ADGRL2: variants seen among roughly 807,000 people sequenced by gnomAD.
ADGRL2 encodes the protein calcium-independent alpha-latrotoxin receptor 2.
ADGRL2 carries 44 observed loss-of-function variants against 157.4 expected under a neutral mutation model. The ratio of observed to expected loss-of-function variants is 0.28; its 90% CI spans 0.22 to 0.36. ADGRL2 has a LOEUF of 0.36. ADGRL2 is among the 10% of genes least tolerant of loss of function. ADGRL2 has a pLI of 1.00. For synonymous variants in ADGRL2, 585 were observed against 624.7 expected, an observed-to-expected ratio of 0.94 and a Z score of 0.95; for missense variants, 1,510 against 1,768.9, an observed-to-expected ratio of 0.85 and a Z score of 2.63.
At chr1:81,968,341 T>C (rs1657736121) in intron 14 of ADGRL2, 142 bp downstream of exon 14, 11 of 696,822 alleles carry the variant, frequency 1.6e-5, no homozygotes, top group Non-Finnish European at 2.6e-5. Flanking sequence ...TTCTACACTG[T>C]CCATAAATTT....
chr1:81,493,293 G>GTCTAAC (rs2078670624), intron 2 of ADGRL2, among the ~76,000 whole-genome samples: 1 of 152,194 alleles, frequency 6.6e-6, no homozygotes, highest in African/African-American at 2.4e-5. Context: ...TGACAAGACA[G>GTCTAAC]TGTATAACTC....
intron 3 of ADGRL2, among the ~76,000 whole-genome samples, chr1:81,587,043 T>G (rs1035015743): frequency 6.6e-6 from 1 of 152,044 alleles, no homozygotes; most frequent in African/African-American, 2.4e-5. Context: ...GGAAAATGAC[T>G]GAAGACAGGA....
At chr1:81,320,656 GCTT>G (rs2100616631) in intron 1 of ADGRL2, among the ~76,000 whole-genome samples, 1 of 152,288 alleles carries the variant, frequency 6.6e-6, no homozygotes, top group Non-Finnish European at 1.5e-5. Flanking sequence ...TTGTAAGAAA[GCTT>G]CTTTTCTGAG....
At chr1:81,597,767 T>C (rs1196143302) in intron 3 of ADGRL2, among the ~76,000 whole-genome samples, 2 of 152,218 alleles carry the variant, frequency 1.3e-5, no homozygotes, top group African/African-American at 4.8e-5. Context: ...CAAAAGGTTG[T>C]AAAATCTTAA....
chr1:81,950,104 G>T (rs902786635), intron 6 of ADGRL2, 85 bp from the exon 7 acceptor site: 16 of 1,072,624 alleles, frequency 1.5e-5, no homozygotes, highest in Non-Finnish European at 2.2e-5. Flanking sequence ...GTGTGTGTGT[G>T]TGCATGCACA....
chr1:81,865,633 G>T (rs2093520645), intron 2 of ADGRL2, among the ~76,000 whole-genome samples: 1 of 152,052 alleles, frequency 6.6e-6, no homozygotes, highest in Non-Finnish European at 1.5e-5. Flanking sequence ...GGAGTGAAGT[G>T]GACTTTGTTA....
chr1:81,332,398 AC>A (rs2100703076), intron 1 of ADGRL2, among the ~76,000 whole-genome samples: 1 of 152,296 alleles, frequency 6.6e-6, no homozygotes, highest in South Asian at 2.1e-4. Context: ...TAATCAAAAA[AC>A]ATAAGAACTT....
intron 2 of ADGRL2, among the ~76,000 whole-genome samples, chr1:81,565,063 T>C: frequency 6.6e-6 from 1 of 152,196 alleles, no homozygotes; most frequent in Non-Finnish European, 1.5e-5. Context: ...TAACTATTTT[T>C]ATATAATATA....
chr1:81,558,644 A>G (rs1320954960), intron 2 of ADGRL2, among the ~76,000 whole-genome samples: 1 of 149,578 alleles, frequency 6.7e-6, no homozygotes, highest in Non-Finnish European at 1.5e-5. Flanking sequence ...AATAACAATG[A>G]AAAAAAAAAC....
At chr1:81,927,372 A>G (rs2095131365) in intron 3 of ADGRL2, among the ~76,000 whole-genome samples, 1 of 152,070 alleles carries the variant, frequency 6.6e-6, no homozygotes, top group South Asian at 2.1e-4. Flanking sequence ...TCATTTTAAT[A>G]ATAAATGCAA....
At chr1:81,754,220 C>CAT (rs2085589874) in intron 1 of ADGRL2, among the ~76,000 whole-genome samples, 1 of 120,538 alleles carries the variant, frequency 8.3e-6, no homozygotes, top group Non-Finnish European at 1.8e-5. Flanking sequence ...TCCCTTCCTT[C>CAT]CTCTCTCTCT....
chr1:81,398,242 G>GT (rs199720354), intron 1 of ADGRL2, among the ~76,000 whole-genome samples: 2,179 of 150,980 alleles, frequency 0.014, 53 homozygotes, highest in African/African-American at 0.05. Flanking sequence ...GCTGAGTCAT[G>GT]TTTTTTTTTA....
intron 2 of ADGRL2, among the ~76,000 whole-genome samples, chr1:81,885,167 T>G (rs926970515): frequency 2.6e-5 from 4 of 152,194 alleles, no homozygotes; most frequent in Non-Finnish European, 4.4e-5. Flanking sequence ...GAAGGAAAAC[T>G]GTTTTTAGCT....
At chr1:81,873,175 G>C (rs1194276732) in intron 2 of ADGRL2, among the ~76,000 whole-genome samples, 1 of 152,080 alleles carries the variant, frequency 6.6e-6, no homozygotes, top group Non-Finnish European at 1.5e-5. Flanking sequence ...AAAATGGAGA[G>C]ATGTAAAAGA....
At chr1:81,925,992 A>G (rs542033833) in intron 3 of ADGRL2, among the ~76,000 whole-genome samples, 1 of 152,160 alleles carries the variant, frequency 6.6e-6, no homozygotes, top group South Asian at 2.1e-4. Context: ...AGTTTACTCA[A>G]TTCTGCCCTC....
chr1:81,987,760 A>C, intron 22 of ADGRL2, 109 bp from the exon 23 acceptor site: 1 of 234,486 alleles, frequency 4.3e-6, no homozygotes, highest in South Asian at 5.2e-5. Context: ...CCACTAAATT[A>C]AACACAGAAC....
Position 81,970,309 on chromosome 1 carries a change from C to G in ADGRL2, c.2734-5C>G, listed in dbSNP as rs371065115. ...TTTTGTGTTTTTTGTTCTTTTCCCC[C>G]GTAGATTGCATGCCCAATATTTGCA... On this transcript the variant is annotated splice_region_variant and splice_polypyrimidine_tract_variant and intron_variant, in intron 15 of 23. Coordinates refer to ENST00000686636, the MANE Select transcript of ADGRL2 (RefSeq NM_001366006.2). The G allele has an allele frequency of 1.2e-6, 2 of 1,604,346 alleles. No homozygotes were observed. The highest frequency in any genetic ancestry group is 1.1e-5 in the South Asian group (1 of 90,098).
intron 2 of ADGRL2, among the ~76,000 whole-genome samples, chr1:81,791,317 C>T (rs1252988047): frequency 6.6e-6 from 1 of 152,048 alleles, no homozygotes; most frequent in Non-Finnish European, 1.5e-5. Flanking sequence ...ATACCTGCCT[C>T]CCAAGGTTTG....
chr1:81,452,528 C>T (rs1168008499), intron 2 of ADGRL2, among the ~76,000 whole-genome samples: 1 of 152,138 alleles, frequency 6.6e-6, no homozygotes, highest in African/African-American at 2.4e-5. Flanking sequence ...GAAAACCCAT[C>T]CCCAAGCAAG....
Sources: gnomAD v4.1 joint callset for allele counts (sites outside exome capture counted in the v4.1 genomes callset) on GRCh38, gnomAD v4.1.1 for gene constraint, MANE v1.5 for transcripts, NCBI Gene and HGNC (gene_info 2026-07-23, HGNC 2026-07-21) for gene names.